The following FAM110B variants were observed in gnomAD, a reference collection of about 807,000 sequenced individuals.
FAM110B encodes the protein protein FAM110B.
In FAM110B, 6 loss-of-function variants were observed where a neutral mutation model predicts 20.4. That is an observed-to-expected ratio of 0.29 (90% CI 0.16 to 0.58). The LOEUF is 0.58. FAM110B is among the 20% of genes least tolerant of loss of function. The pLI, the probability that FAM110B is intolerant of heterozygous loss-of-function variation, is 0.90. For synonymous variants in FAM110B, 226 were observed against 214.1 expected (o/e 1.06, Z -0.49); for missense variants, 434 against 498.2 (o/e 0.87, Z 1.23).
chr8:58,127,090 A>T (rs1807526827), intron 3 of FAM110B, among the ~76,000 whole-genome samples: 1 of 152,228 alleles, frequency 6.6e-6, no homozygotes, highest in Admixed American at 6.5e-5. Context: ...GATAAAAGGT[A>T]TGAGGTCAAC....
intron 3 of FAM110B, among the ~76,000 whole-genome samples, chr8:58,089,355 T>A (rs140690251): frequency 1.3e-5 from 2 of 152,306 alleles, no homozygotes; most frequent in Non-Finnish European, 2.9e-5. Context: ...AAACAAATGG[T>A]GTCAGATTCA....
At chr8:58,085,803 C>T (rs899002806) in intron 3 of FAM110B, among the ~76,000 whole-genome samples, 2 of 152,128 alleles carry the variant, frequency 1.3e-5, no homozygotes, top group Non-Finnish European at 2.9e-5. Flanking sequence ...TGGTTTATCC[C>T]CCACTGCAGT....
chr8:58,010,544 T>G (rs896638535), intron 1 of FAM110B, among the ~76,000 whole-genome samples: 1 of 152,164 alleles, frequency 6.6e-6, no homozygotes, highest in African/African-American at 2.4e-5. Context: ...TCTGGAGTAC[T>G]TACATGCCCT....
intron 1 of FAM110B, among the ~76,000 whole-genome samples, chr8:58,011,506 A>G (rs7008985): frequency 0.06 from 9,065 of 151,960 alleles, 880 homozygotes; most frequent in African/African-American, 0.21. Flanking sequence ...CTAAAACCTC[A>G]CCCCAAAGTG....
intron 3 of FAM110B, among the ~76,000 whole-genome samples, chr8:58,081,690 G>A (rs1291808260): frequency 6.6e-6 from 1 of 152,090 alleles, no homozygotes; most frequent in East Asian, 1.9e-4. Flanking sequence ...AGAGCTTGTG[G>A]GCTGCGTCTT....
intron 2 of FAM110B, among the ~76,000 whole-genome samples, chr8:58,034,346 G>A (rs921031534): frequency 6.6e-5 from 10 of 152,190 alleles, no homozygotes; most frequent in African/African-American, 2.4e-5. Context: ...GAGTGTCCCA[G>A]CTGGATTTAT....
At chr8:58,068,410 A>G (rs1310128594) in intron 2 of FAM110B, among the ~76,000 whole-genome samples, 4 of 152,166 alleles carry the variant, frequency 2.6e-5, no homozygotes, top group African/African-American at 4.8e-5. Context: ...TTTCCCTTGA[A>G]GTTTATGGTC....
At chr8:58,133,205 G>GTTTTTTTTT (rs59489059) in intron 3 of FAM110B, among the ~76,000 whole-genome samples, 2 of 140,134 alleles carry the variant, frequency 1.4e-5, no homozygotes. Flanking sequence ...GCTCGATTTT[G>GTTTTTTTTT]TTTTTTTTTT....
At chr8:58,064,724 A>T (rs1257976174) in intron 2 of FAM110B, among the ~76,000 whole-genome samples, 1 of 152,210 alleles carries the variant, frequency 6.6e-6, no homozygotes, top group Non-Finnish European at 1.5e-5. Flanking sequence ...AACTCATTTA[A>T]TCCACACAAC....
chr8:58,060,532 T>G (rs1805634254), intron 2 of FAM110B, among the ~76,000 whole-genome samples: 1 of 152,186 alleles, frequency 6.6e-6, no homozygotes, highest in African/African-American at 2.4e-5. Context: ...ATACTTTAAG[T>G]AACAGTGCTT....
intron 2 of FAM110B, among the ~76,000 whole-genome samples, chr8:58,043,580 T>C (rs1311394048): frequency 6.6e-6 from 1 of 152,190 alleles, no homozygotes; most frequent in Non-Finnish European, 1.5e-5. Flanking sequence ...ACCCATTAAG[T>C]CGTCATTTAC....
At chr8:58,009,445 T>C (rs1184501664) in intron 1 of FAM110B, among the ~76,000 whole-genome samples, 1 of 152,186 alleles carries the variant, frequency 6.6e-6, no homozygotes, top group African/African-American at 2.4e-5. Flanking sequence ...CTGGCCTGAA[T>C]TGAGATGTCC....
intron 2 of FAM110B, among the ~76,000 whole-genome samples, chr8:58,053,435 A>C (rs1805492566): frequency 6.6e-6 from 1 of 151,564 alleles, no homozygotes; most frequent in Non-Finnish European, 1.5e-5. Flanking sequence ...ATTAACTGAC[A>C]GAAGAAAGAA....
chr8:58,084,246 G>A (rs1806274120), intron 3 of FAM110B, among the ~76,000 whole-genome samples: 1 of 152,206 alleles, frequency 6.6e-6, no homozygotes, highest in Admixed American at 6.5e-5. Context: ...CTAAAGAGAA[G>A]ATGAACTATA....
At chr8:58,067,342 C>T (rs1257234162) in intron 2 of FAM110B, among the ~76,000 whole-genome samples, 3 of 152,140 alleles carry the variant, frequency 2.0e-5, no homozygotes, top group Non-Finnish European at 4.4e-5. Context: ...ATGAGGGTTT[C>T]GACTTGGAAG....
chr8:58,013,300 A>G (rs1009106481), intron 1 of FAM110B, among the ~76,000 whole-genome samples: 1 of 152,208 alleles, frequency 6.6e-6, no homozygotes, highest in African/African-American at 2.4e-5. Flanking sequence ...GCAGAAGAGT[A>G]TGAAAGGGGC....
chr8:58,138,521 C>G (rs1803673574), intron 3 of FAM110B, among the ~76,000 whole-genome samples: 1 of 152,112 alleles, frequency 6.6e-6, no homozygotes, highest in African/African-American at 2.4e-5. Flanking sequence ...CTGTGTTGGG[C>G]TTTTTTGGGT....
chr8:58,100,959 G>T (rs1806764688), intron 3 of FAM110B: 1 of 152,138 alleles, frequency 6.6e-6, no homozygotes, highest in Non-Finnish European at 1.5e-5. Flanking sequence ...GGATCACGAG[G>T]TCAGGAGATC....
At chr8:58,016,206 G>A (rs1329808889) in intron 1 of FAM110B, among the ~76,000 whole-genome samples, 1 of 152,132 alleles carries the variant, frequency 6.6e-6, no homozygotes, top group Non-Finnish European at 1.5e-5. Flanking sequence ...TTTAGAAAAT[G>A]ATTTTACTGG....
Sources: gnomAD v4.1 joint callset for allele counts (sites outside exome capture counted in the v4.1 genomes callset) on GRCh38, gnomAD v4.1.1 for gene constraint, MANE v1.5 for transcripts, NCBI Gene and HGNC (gene_info 2026-07-23, HGNC 2026-07-21) for gene names.